SRGAP2B: variants seen among roughly 807,000 people sequenced by gnomAD.
SRGAP2B encodes SLIT-ROBO Rho GTPase-activating protein 2B.
SRGAP2B carries 9 observed loss-of-function variants against 22.2 expected under a neutral mutation model. The ratio of observed to expected loss-of-function variants is 0.41; its 90% confidence interval spans 0.24 to 0.71. The LOEUF is 0.71. Ranked by LOEUF, SRGAP2B falls within the 30% of genes least tolerant of loss-of-function variation. SRGAP2B has a pLI of 0.35. For missense variants in SRGAP2B, 114 were observed against 235.8 expected, an observed-to-expected ratio of 0.48 and a Z score of 3.38; for synonymous variants, 36 against 87.4, an observed-to-expected ratio of 0.41 and a Z score of 3.28.
chr1:144,932,533 G>T lies in SRGAP2B; in HGVS notation c.424-17779C>A, dbSNP rs587655696. On this transcript the variant is annotated intron_variant, in intron 4 of 9. Transcript: ENST00000612199. ...CAAGCCAGAGCATGCAGACCTTTTG[G>T]GTAAACCCTAGGCATAAAGAGTGGA... Among the ~76,000 whole-genome samples the T allele has an allele frequency of 4.0e-5, 6 of 149,724 alleles. No individual in the cohort carries two copies. In the East Asian group the frequency reaches 9.8e-4, roughly 25 times the overall value.
At chr1:144,979,980 T>A (rs1214734030) in intron 3 of SRGAP2B, among the ~76,000 whole-genome samples, 1 of 150,708 alleles carries the variant, frequency 6.6e-6, no homozygotes. Flanking sequence ...TAGGACTCTG[T>A]GGTAAGAAAG....
intron 2 of SRGAP2B, among the ~76,000 whole-genome samples, chr1:145,063,690 A>G (rs1433380311): frequency 6.8e-6 from 1 of 148,146 alleles, no homozygotes; most frequent in African/African-American, 2.5e-5. Context: ...CAACAGCTCA[A>G]TTTGGTCCTG....
intron 5 of SRGAP2B, among the ~76,000 whole-genome samples, chr1:144,911,899 A>G (rs1663443643): frequency 7.2e-6 from 1 of 137,990 alleles, no homozygotes; most frequent in Non-Finnish European, 1.5e-5. Flanking sequence ...GATTACGGGC[A>G]TGAGCCACTG....
In SRGAP2B at chr1:144,984,825, T is replaced by G. The variant is rs1268003673; in HGVS notation, c.260+10183A>C. On this transcript the variant is annotated intron_variant, in intron 3 of 9. Transcript: ENST00000612199. The stretch of plus-strand genomic sequence containing the variant: ...ACCATCAGTGGTTTCCAGTGTCTAT[T>G]GCATAGAGCCAAATCCCTAATCAAG... Among the ~76,000 whole-genome samples, 15 of 150,894 alleles carry G rather than the reference T, an allele frequency of 9.9e-5. 1 individual carries two copies. Among genetic ancestry groups the G allele is most frequent in the African/African-American group, 3.7e-4 (15 of 40,368 alleles).
At chr1:145,043,953 A>G (rs1487677479) in intron 2 of SRGAP2B, among the ~76,000 whole-genome samples, 1 of 10,658 alleles carries the variant, frequency 9.4e-5, no homozygotes, top group Non-Finnish European at 1.7e-4. Flanking sequence ...CAACGGGGGT[A>G]GAGCACAAAA....
At chr1:144,987,091 C>A (rs1163083693) in intron 3 of SRGAP2B, among the ~76,000 whole-genome samples, 26 of 151,994 alleles carry the variant, frequency 1.7e-4, no homozygotes, top group African/African-American at 6.1e-4. Flanking sequence ...CCCTAAAGCC[C>A]TCTCCAGTCC....
chr1:145,056,945 G>A (rs1650453546), intron 2 of SRGAP2B, among the ~76,000 whole-genome samples: 1 of 135,790 alleles, frequency 7.4e-6, no homozygotes. Flanking sequence ...AGAGTTGAAG[G>A]AGATAAAACA....
rs587675845 is a variant in SRGAP2B at position 144,926,972 on chromosome 1, C to T, written c.424-12218G>A. Reference sequence around the variant, plus strand: ...TTTTCTTTTTTCTTTTTTTTGGAGACGGAGTCTCACTCAGTTGCCCAGGCT... The same window carrying T: ...TTTTCTTTTTTCTTTTTTTTGGAGATGGAGTCTCACTCAGTTGCCCAGGCT... On this transcript the variant is annotated intron_variant, in intron 4 of 9. Transcript: ENST00000612199. 3.4e-3 allele frequency among the ~76,000 whole-genome samples: 519 copies of T among 151,444 alleles called. 2 individuals are homozygous for T. The highest frequency in any genetic ancestry group is 0.034 in the East Asian group (173 of 5,096).
chr1:145,006,839 A>G (rs2102220578), intron 2 of SRGAP2B, among the ~76,000 whole-genome samples: 1 of 150,954 alleles, frequency 6.6e-6, no homozygotes, highest in East Asian at 1.9e-4. Flanking sequence ...GTATAAAGGT[A>G]TCTCACTTAA....
intron 4 of SRGAP2B, among the ~76,000 whole-genome samples, chr1:144,942,055 G>T (rs1553607484): frequency 7.6e-6 from 1 of 132,334 alleles, no homozygotes; most frequent in Non-Finnish European, 1.6e-5. Flanking sequence ...CCATCAACCA[G>T]CTGTATAATC....
intron 2 of SRGAP2B, among the ~76,000 whole-genome samples, chr1:145,013,869 A>C (rs1356941336): frequency 6.6e-6 from 1 of 150,562 alleles, no homozygotes; most frequent in African/African-American, 2.5e-5. Flanking sequence ...TGATGAGCTA[A>C]TAAACATCAT....
intron 2 of SRGAP2B, among the ~76,000 whole-genome samples, chr1:145,075,948 C>T (rs1186320247): frequency 6.7e-6 from 1 of 149,596 alleles, no homozygotes; most frequent in Non-Finnish European, 1.5e-5. Flanking sequence ...ATTGGCCCAG[C>T]GTGGTGGCAC....
chr1:145,007,739 T>A (rs1671701585), intron 2 of SRGAP2B, among the ~76,000 whole-genome samples: 1 of 150,806 alleles, frequency 6.6e-6, no homozygotes, highest in Admixed American at 6.6e-5. Context: ...GAGTTAATAT[T>A]TGTAAAGTTA....
intron 5 of SRGAP2B, among the ~76,000 whole-genome samples, chr1:144,909,218 T>A (rs1663221404): frequency 6.7e-6 from 1 of 149,702 alleles, no homozygotes; most frequent in Non-Finnish European, 1.5e-5. Context: ...GCCAGATTTA[T>A]ATCACAGAAG....
chr1:144,923,565 TAAG>T (rs1383453535), intron 4 of SRGAP2B, among the ~76,000 whole-genome samples: 8 of 143,676 alleles, frequency 5.6e-5, no homozygotes, highest in African/African-American at 2.2e-4. Context: ...TAAAATGAAC[TAAG>T]GAGGAAAAAC....
rs1357326634 is a variant in SRGAP2B, at chr1:144,997,360, G to A, written c.68-2160C>T. 1.3e-4 allele frequency among the ~76,000 whole-genome samples: 19 copies of A among 150,906 alleles called. 1 individual carries two copies. Among genetic ancestry groups the A allele is most frequent in the Non-Finnish European group, 2.8e-4 (19 of 67,968 alleles). ...GTGCGAGAATGGCGTGAACCCGGGAGGTGGAGCTTGCACTGAGCAGAGATC... is the reference window on the plus strand; with the variant it reads ...GTGCGAGAATGGCGTGAACCCGGGAAGTGGAGCTTGCACTGAGCAGAGATC... On this transcript the variant is annotated intron_variant, in intron 2 of 9. Transcript: ENST00000612199.
chr1:144,932,238 T>C (rs1419219872), intron 4 of SRGAP2B, among the ~76,000 whole-genome samples: 2 of 149,288 alleles, frequency 1.3e-5, no homozygotes, highest in Non-Finnish European at 3.0e-5. Flanking sequence ...CTGGGGACAA[T>C]TGAGCTGTGT....
chr1:145,093,343 G>GT (rs1553636499), exon 2 of SRGAP2B: 2 of 12,002 alleles, frequency 1.7e-4, no homozygotes, highest in Admixed American at 7.1e-4. Context: ...GTGCTTCGCG[G>GT]TTTTTTGTCG....
intron 4 of SRGAP2B, among the ~76,000 whole-genome samples, chr1:144,929,458 G>T (rs1665018456): frequency 6.6e-6 from 1 of 150,608 alleles, no homozygotes; most frequent in South Asian, 2.1e-4. Flanking sequence ...TTATGCCTTT[G>T]ATCCATTTTG....
Sources: gnomAD v4.1 joint callset for allele counts (sites outside exome capture counted in the v4.1 genomes callset) on GRCh38, gnomAD v4.1.1 for gene constraint, MANE v1.5 for transcripts, NCBI Gene and HGNC (gene_info 2026-07-23, HGNC 2026-07-21) for gene names.